LUZP2: variants seen among roughly 807,000 people sequenced by gnomAD.
The protein encoded by LUZP2 is leucine zipper protein 2.
A neutral mutation model predicts 51.6 loss-of-function variants in LUZP2; 52 were observed. The ratio of observed to expected loss-of-function variants is 1.01; its 90% CI spans 0.81 to 1.27. The LOEUF is 1.27. Among genes scored for constraint, LUZP2 ranks in the 50% most tolerant of loss-of-function variants. The pLI is 0.00. For synonymous variants in LUZP2, 154 were observed against 137.3 expected (o/e 1.12, Z -0.85); for missense variants, 436 against 395.4 (o/e 1.10, Z -0.87).
chr11:24,572,752 T>A (rs1852484297), intron 1 of LUZP2, among the ~76,000 whole-genome samples: 1 of 152,026 alleles, frequency 6.6e-6, no homozygotes, highest in Non-Finnish European at 1.5e-5. Flanking sequence ...ACTGGGTAGT[T>A]CTTAAAAAGG....
intron 1 of LUZP2, among the ~76,000 whole-genome samples, chr11:24,621,551 G>T (rs1047143925): frequency 6.6e-5 from 10 of 152,146 alleles, no homozygotes; most frequent in Non-Finnish European, 1.5e-4. Context: ...AAATTCAAAT[G>T]TCACTGAATT....
chr11:24,854,609 C>G (rs1267755850), intron 5 of LUZP2, among the ~76,000 whole-genome samples: 2 of 151,364 alleles, frequency 1.3e-5, no homozygotes, highest in Non-Finnish European at 2.9e-5. Flanking sequence ...GCTTCAGCAC[C>G]CTTTCCAGGG....
At chr11:24,599,936 G>A (rs369291544) in intron 1 of LUZP2, among the ~76,000 whole-genome samples, 8 of 151,980 alleles carry the variant, frequency 5.3e-5, no homozygotes, top group African/African-American at 1.7e-4. Context: ...TGTTGATGGG[G>A]AACACATTTC....
At chr11:24,505,178 C>T (rs12285439) in intron 1 of LUZP2, among the ~76,000 whole-genome samples, 5,119 of 152,160 alleles carry the variant, frequency 0.034, 207 homozygotes, top group African/African-American at 0.092. Flanking sequence ...TTCCTCCTGC[C>T]TGTCCTCCAG....
rs147588772 is a variant in LUZP2 at position 24,925,987 on chromosome 11, G to C, written c.522+11449G>C. Among the ~76,000 whole-genome samples, 488 of 151,892 alleles carry C rather than the reference G, an allele frequency of 3.2e-3. 3 individuals are homozygous for C. Among genetic ancestry groups the C allele is most frequent in the African/African-American group, 0.011 (450 of 41,432 alleles). On this transcript the variant is annotated intron_variant, in intron 7 of 11. Transcript: ENST00000336930. ...AGCTCCCACTTATGAGAGAATATAC[G>C]TTGTTTGGTTTCCATTCCTGAGTTA... is the stretch of plus-strand genomic sequence containing the variant.
chr11:24,612,234 C>G (rs555868338), intron 1 of LUZP2, among the ~76,000 whole-genome samples: 9 of 152,010 alleles, frequency 5.9e-5, no homozygotes, highest in African/African-American at 9.7e-5. Context: ...TACACTTGGA[C>G]AAATTAGTGA....
intron 9 of LUZP2, among the ~76,000 whole-genome samples, chr11:25,026,866 A>T (rs1214957650): frequency 2.1e-5 from 3 of 141,402 alleles, no homozygotes; most frequent in South Asian, 4.5e-4. Context: ...TTATTTTTTT[A>T]ATTATTATTT....
chr11:24,732,792 A>C (rs769186661), intron 3 of LUZP2, among the ~76,000 whole-genome samples: 1 of 151,758 alleles, frequency 6.6e-6, no homozygotes, highest in African/African-American at 2.4e-5. Context: ...CGTCTGCTAT[A>C]CACTTACTAG....
intron 1 of LUZP2, among the ~76,000 whole-genome samples, chr11:24,568,374 G>T (rs1289764906): frequency 7.5e-6 from 1 of 133,944 alleles, no homozygotes; most frequent in African/African-American, 2.6e-5. Context: ...AAAAAAAAAA[G>T]GACTAGATTA....
At chr11:24,878,262 C>T (rs1182414395) in intron 5 of LUZP2, among the ~76,000 whole-genome samples, 1 of 151,988 alleles carries the variant, frequency 6.6e-6, no homozygotes, top group Non-Finnish European at 1.5e-5. Flanking sequence ...TTTTATTTGT[C>T]TGGGAAAGTC....
chr11:24,610,017 GA>G (rs1765693033), intron 1 of LUZP2, among the ~76,000 whole-genome samples: 1 of 152,130 alleles, frequency 6.6e-6, no homozygotes, highest in African/African-American at 2.4e-5. Flanking sequence ...AACAACAACT[GA>G]GGCAGACAAT....
chr11:24,708,215 A>G (rs964220540), intron 1 of LUZP2, among the ~76,000 whole-genome samples: 4 of 152,174 alleles, frequency 2.6e-5, no homozygotes, highest in African/African-American at 9.7e-5. Context: ...TGGAACTCAT[A>G]TCCAACAGGG....
Position 24,894,173 on chromosome 11 carries a change from TCA to T in LUZP2, c.397-11817_397-11816del, listed in dbSNP as rs1852952988. Among the ~76,000 whole-genome samples the T allele has an allele frequency of 3.0e-5, 4 of 132,584 alleles. No individual in the cohort carries two copies. The Admixed American group carries it at 3.3e-4, about 11-fold the overall frequency. 87.0% of individuals were successfully genotyped at this position (132,584 alleles called of 152,430 possible). A position where few individuals can be genotyped will look rare whatever the true frequency, so the allele number is the denominator to read the frequency against. Reference sequence around the variant, plus strand: ...TTTAACGAATCTTTTCTAAAGTAATTCATTTTTTTTTTTTTTTTGTGATGGAG... The same window carrying T: ...TTTAACGAATCTTTTCTAAAGTAATTTTTTTTTTTTTTTTTTGTGATGGAG... On this transcript the variant is annotated intron_variant, in intron 5 of 11. Transcript: ENST00000336930.
intron 1 of LUZP2, among the ~76,000 whole-genome samples, chr11:24,518,225 G>A (rs1049698573): frequency 2.6e-5 from 4 of 152,116 alleles, no homozygotes; most frequent in African/African-American, 9.7e-5. Flanking sequence ...CTTATTTAAA[G>A]CTTAGCTAAG....
chr11:24,502,981 G>T (rs1850044937), intron 1 of LUZP2, among the ~76,000 whole-genome samples: 1 of 152,026 alleles, frequency 6.6e-6, no homozygotes, highest in Admixed American at 6.6e-5. Flanking sequence ...ACATTTAAAA[G>T]GTACAAATGT....
intron 1 of LUZP2, among the ~76,000 whole-genome samples, chr11:24,666,397 GA>G (rs1247130581): frequency 6.6e-6 from 1 of 152,086 alleles, no homozygotes; most frequent in Non-Finnish European, 1.5e-5. Flanking sequence ...AAAATTGCCT[GA>G]AAAATACAGA....
At chr11:24,591,364 C>A (rs554075954) in intron 1 of LUZP2, among the ~76,000 whole-genome samples, 1 of 152,226 alleles carries the variant, frequency 6.6e-6, no homozygotes, top group African/African-American at 2.4e-5. Context: ...CATATCCCAC[C>A]GCTGATGCCT....
chr11:24,576,920 A>G (rs1316793129), intron 1 of LUZP2, among the ~76,000 whole-genome samples: 1 of 152,090 alleles, frequency 6.6e-6, no homozygotes, highest in Non-Finnish European at 1.5e-5. Flanking sequence ...AATTGAAATA[A>G]ATATAGTAAT....
intron 2 of LUZP2, among the ~76,000 whole-genome samples, 180 bp downstream of exon 2, chr11:24,729,466 T>C (rs1203256974): frequency 6.6e-6 from 1 of 152,006 alleles, no homozygotes; most frequent in Non-Finnish European, 1.5e-5. Flanking sequence ...TCTAGGAATC[T>C]GTGTTTAACA....
Sources: gnomAD v4.1 joint callset for allele counts (sites outside exome capture counted in the v4.1 genomes callset) on GRCh38, gnomAD v4.1.1 for gene constraint, MANE v1.5 for transcripts, NCBI Gene and HGNC (gene_info 2026-07-23, HGNC 2026-07-21) for gene names.